ASXL3: variants seen among roughly 807,000 people sequenced by gnomAD.
ASXL3 encodes the protein putative Polycomb group protein ASXL3.
Under a neutral mutation model 170.6 loss-of-function variants are expected in ASXL3, and 34 were observed. The ratio of observed to expected loss-of-function variants is 0.20; its 90% CI spans 0.15 to 0.27. ASXL3 has a LOEUF of 0.27. ASXL3 is among the 10% of genes least tolerant of loss of function. The pLI, the probability that ASXL3 is intolerant of heterozygous loss-of-function variation, is 1.00. For synonymous variants in ASXL3, 1,002 were observed against 989.1 expected (o/e 1.01, Z -0.24); for missense variants, 2,592 against 2,695.3 (o/e 0.96, Z 0.85).
intron 1 of ASXL3, among the ~76,000 whole-genome samples, chr18:33,588,226 C>T (rs1416467401): frequency 2.0e-5 from 3 of 152,014 alleles, no homozygotes; most frequent in Non-Finnish European, 4.4e-5. Context: ...GGGGATGATA[C>T]AAGAACAATG....
At chr18:33,578,838 GC>G (rs971664363) in intron 1 of ASXL3, 153 bp downstream of exon 1, 4 of 378,262 alleles carry the variant, frequency 1.1e-5, no homozygotes, top group Non-Finnish European at 1.6e-5. Context: ...GAGTGGGCTC[GC>G]CCGGGGGCCC....
At chr18:33,722,253 A>G (rs2067274776) in intron 8 of ASXL3, among the ~76,000 whole-genome samples, 1 of 152,162 alleles carries the variant, frequency 6.6e-6, no homozygotes, top group African/African-American at 2.4e-5. Context: ...ATCAAAAACT[A>G]GAAATGATTA....
intron 8 of ASXL3, among the ~76,000 whole-genome samples, chr18:33,719,439 T>C (rs375324557): frequency 1.3e-5 from 2 of 152,062 alleles, no homozygotes; most frequent in African/African-American, 4.8e-5. Flanking sequence ...CTTTCTTTGT[T>C]CATTGTATTT....
chr18:33,629,948 C>T (rs1265619525), intron 2 of ASXL3, among the ~76,000 whole-genome samples: 1 of 151,708 alleles, frequency 6.6e-6, no homozygotes, highest in African/African-American at 2.4e-5. Context: ...TCATCTTGAC[C>T]TTTATTTTAC....
At chr18:33,584,312 T>G (rs925876008) in intron 1 of ASXL3, among the ~76,000 whole-genome samples, 6 of 151,920 alleles carry the variant, frequency 3.9e-5, no homozygotes, top group African/African-American at 1.5e-4. Flanking sequence ...TGCGATCAGA[T>G]TGGGGAGGGA....
At position 33,683,365 on chromosome 18, in the gene ASXL3, T is replaced by G. The variant is rs188107136; in HGVS notation, c.716-40T>G. ...GTGTACGTACGTACACGTTTCCCTC[T>G]ACCTGTAGTAAATTCATGCCTCTTG... On this transcript the variant is annotated intron_variant, in intron 7 of 11. Transcript: ENST00000269197. 4.6e-3 allele frequency: 7,299 copies of G among 1,569,912 alleles called. 35 individuals carry two copies. Among genetic ancestry groups the G allele is most frequent in the Non-Finnish European group, 5.4e-3 (6,283 of 1,154,910 alleles).
intron 10 of ASXL3, among the ~76,000 whole-genome samples, chr18:33,736,957 T>A (rs1415593164): frequency 2.0e-5 from 3 of 152,192 alleles, no homozygotes; most frequent in African/African-American, 7.2e-5. Flanking sequence ...GAAATTTGGC[T>A]GCCAGTGGAT....
At chr18:33,721,966 A>G (rs996323532) in intron 8 of ASXL3, among the ~76,000 whole-genome samples, 4 of 151,948 alleles carry the variant, frequency 2.6e-5, no homozygotes, top group Non-Finnish European at 5.9e-5. Flanking sequence ...TTAAAATATG[A>G]TAATGTATTA....
At chr18:33,694,069 C>A (rs2066733273) in intron 8 of ASXL3, among the ~76,000 whole-genome samples, 1 of 152,158 alleles carries the variant, frequency 6.6e-6, no homozygotes, top group Admixed American at 6.5e-5. Context: ...TTGACCACAG[C>A]ATTTTGGCTC....
chr18:33,732,069 AT>A lies in ASXL3; in HGVS notation c.976+8del. ...GGAAACAGCGACTGGCAGAAGGTAA[AT>A]TTGTATTTTCTATTATTATGTGACA... On this transcript the variant is annotated splice_donor_region_variant and intron_variant, in intron 9 of 11. Coordinates refer to ENST00000269197, the MANE Select transcript of ASXL3 (RefSeq NM_030632.3). 6.2e-7 allele frequency: 1 copy of A among 1,608,614 alleles called. No homozygotes were observed. The highest frequency in any genetic ancestry group is 8.5e-7 in the Non-Finnish European group (1 of 1,176,292).
At chr18:33,705,551 G>A (rs888006523) in intron 8 of ASXL3, among the ~76,000 whole-genome samples, 1 of 151,514 alleles carries the variant, frequency 6.6e-6, no homozygotes, top group Non-Finnish European at 1.5e-5. Context: ...CAAACTACAG[G>A]TAATTGCAGA....
At position 33,693,335 on chromosome 18, in the gene ASXL3, G is replaced by C. The variant is rs532330006; in HGVS notation, c.879+9767G>C. On this transcript the variant is annotated intron_variant, in intron 8 of 11. Coordinates refer to ENST00000269197, the MANE Select transcript of ASXL3 (RefSeq NM_030632.3). ...TTGGAGAAATTTAAGATGGAAGAGA[G>C]AGGATTTGATTTACTGACAAAAGTT... 3.9e-5 allele frequency among the ~76,000 whole-genome samples: 6 copies of C among 152,300 alleles called. No homozygotes were observed. In the South Asian group the frequency reaches 1.2e-3, roughly 32 times the overall value.
At chr18:33,604,959 AAAAT>A (rs2065228090) in intron 1 of ASXL3, among the ~76,000 whole-genome samples, 1 of 152,042 alleles carries the variant, frequency 6.6e-6, no homozygotes, top group Admixed American at 6.6e-5. Context: ...GATGAATTAA[AAAAT>A]AAGTACTTGA....
rs1599467700 is a variant in ASXL3, at chr18:33,667,050, A to G, written c.478-3623A>G. On this transcript the variant is annotated intron_variant, in intron 5 of 11. Coordinates refer to ENST00000269197, the MANE Select transcript of ASXL3 (RefSeq NM_030632.3). ...GAGCCTGCACTGAGGGGAAGTGCGG[A>G]GGTCAGCTAGAGAGAGCGTGGTTTA... Among the ~76,000 whole-genome samples, 8 of 152,266 alleles carry G rather than the reference A, an allele frequency of 5.3e-5. 2 individuals carry two copies. Among genetic ancestry groups the G allele is most frequent in the Admixed American group, 5.2e-4 (8 of 15,296 alleles).
chr18:33,744,829 G>T lies in ASXL3; in HGVS notation c.4981G>T (p.Val1661Leu), dbSNP rs1295977040. Residue 1661 changes from valine to leucine, a missense_variant, in exon 12 of 12, where the codon GTA becomes TTA. Around this residue, in one of 4 missense-constraint regions of ASXL3, gnomAD observed 2,246 missense variants for 2,219.6 expected, o/e 1.01. Coordinates refer to ENST00000269197, the MANE Select transcript of ASXL3 (RefSeq NM_030632.3). Reference sequence around the variant, plus strand: ...GTCAGAACTTCATCCCAGGAATCTTGTAACAAATGTTGCTCTTCCTGTGAA... The same window carrying T: ...GTCAGAACTTCATCCCAGGAATCTTTTAACAAATGTTGCTCTTCCTGTGAA... ...NVSELHPRNL[V>L]TNVALPVKSE... 1 of 1,614,040 alleles carries T rather than the reference G, an allele frequency of 6.2e-7. No homozygotes were observed. Among genetic ancestry groups the T allele is most frequent in the Non-Finnish European group, 8.5e-7 (1 of 1,179,892 alleles).
At chr18:33,583,427 C>T (rs2065009513) in intron 1 of ASXL3, among the ~76,000 whole-genome samples, 2 of 152,166 alleles carry the variant, frequency 1.3e-5, no homozygotes, top group Admixed American at 1.3e-4. Flanking sequence ...CTGTGGTCTG[C>T]ACATAGCATC....
chr18:33,723,769 G>T (rs937956125), intron 8 of ASXL3, among the ~76,000 whole-genome samples: 4 of 152,068 alleles, frequency 2.6e-5, no homozygotes, highest in African/African-American at 9.7e-5. Flanking sequence ...TAAGTTTTTT[G>T]GGAAAGGAAG....
Position 33,746,891 on chromosome 18 carries a change from G to A in ASXL3, c.*296G>A. The A allele has an allele frequency of 3.3e-6, 1 of 299,346 alleles. No individual in the cohort carries two copies. Among genetic ancestry groups the A allele is most frequent in the East Asian group, 5.7e-5 (1 of 17,684 alleles). 18.5% of individuals were successfully genotyped at this position (299,346 alleles called of 1,614,324 possible). A position where few individuals can be genotyped will look rare whatever the true frequency, so the allele number is the denominator to read the frequency against. On this transcript the variant is annotated 3_prime_UTR_variant, in exon 12 of 12. Coordinates refer to ENST00000269197, the MANE Select transcript of ASXL3 (RefSeq NM_030632.3). ...CCCCATTTTTGTTTTTCTTTTAACC[G>A]AGGTGTAGATAGGAAAAGGACATTT...
intron 1 of ASXL3, among the ~76,000 whole-genome samples, chr18:33,595,909 G>C (rs1283672861): frequency 6.6e-6 from 1 of 152,158 alleles, no homozygotes; most frequent in Non-Finnish European, 1.5e-5. Context: ...GGATATGTCA[G>C]CTTCAGGAAT....
Sources: allele counts gnomAD v4.1 joint callset (sites outside exome capture counted in the v4.1 genomes callset), GRCh38; gene constraint gnomAD v4.1.1; regional missense constraint gnomAD v4.1.1; transcripts MANE v1.5; gene names NCBI Gene and HGNC (gene_info 2026-07-23, HGNC 2026-07-21).